The following SZT2 variants were observed in gnomAD, a reference collection of about 807,000 sequenced individuals.
The protein encoded by SZT2 is KICSTOR complex protein SZT2.
In SZT2, 216 loss-of-function variants were observed where a neutral mutation model predicts 404.2. The observed-to-expected ratio is 0.53, with a 90% CI of 0.48 to 0.60. SZT2 has a LOEUF of 0.60. SZT2 is among the 20% of genes least tolerant of loss of function. The pLI is 0.00. For missense variants in SZT2, 3,857 were observed against 4,459.2 expected (o/e 0.86, Z 3.85); for synonymous variants, 1,693 against 1,749.9 (o/e 0.97, Z 0.81).
chr1:43,436,387 C>A (rs189602137), intron 42 of SZT2: 1 of 152,182 alleles, frequency 6.6e-6, no homozygotes, highest in Non-Finnish European at 1.5e-5. Flanking sequence ...GACAGGTGAA[C>A]AATTTTACTT....
At chr1:43,419,708 G>C in intron 7 of SZT2, 26 bp from the exon 8 acceptor site, 1 of 1,578,526 alleles carries the variant, frequency 6.3e-7, no homozygotes, top group Non-Finnish European at 8.6e-7. Context: ...GTCAGAGCTA[G>C]GTCTTCAGTT....
In SZT2 at chr1:43,426,430, C is replaced by G; in HGVS notation, c.3106C>G (p.Leu1036Val). 6.3e-7 allele frequency: 1 copy of G among 1,595,442 alleles called. No homozygotes were observed. The highest frequency in any genetic ancestry group is 8.5e-7 in the Non-Finnish European group (1 of 1,178,586). ...CPANDMVLCLLHSCLGQELSD... is the reference protein window; with the variant it reads ...CPANDMVLCLVHSCLGQELSD... ...TGCCAACGACATGGTGCTGTGCCTGCTGCACAGCTGCCTGGGGCAGGAGCT... is the reference window on the plus strand; with the variant it reads ...TGCCAACGACATGGTGCTGTGCCTGGTGCACAGCTGCCTGGGGCAGGAGCT... Residue 1036 changes from leucine to valine, a missense_variant, in exon 22 of 72, where the codon CTG becomes GTG. Physicochemically the swap from Leu to Val is conservative, Grantham distance 32 (BLOSUM62 1). Transcript: ENST00000634258. The surrounding 1 kb of genome is among the most constrained non-coding windows in gnomAD (Gnocchi z 4.9).
chr1:43,427,275 C>G lies in SZT2; in HGVS notation c.3434-6C>G, dbSNP rs376599546. On this transcript the variant is annotated splice_polypyrimidine_tract_variant and splice_region_variant and intron_variant, in intron 24 of 71. Coordinates refer to ENST00000634258, the MANE Select transcript of SZT2 (RefSeq NM_001365999.1). ...GCAGCTCTGATTTATGTCTGATCCT[C>G]TTCAGATGTCCAGCGTCTGGCTGCC... The G allele has an allele frequency of 6.2e-7, 1 of 1,608,002 alleles. No individual in the cohort carries two copies. The highest frequency in any genetic ancestry group is 2.2e-5 in the East Asian group (1 of 44,824).
Position 43,433,032 on chromosome 1 carries a change from T to A in SZT2, c.5646T>A (p.Asn1882Lys), listed in dbSNP as rs939242987. The change falls in exon 40 of 72, where the codon AAT (asparagine) becomes AAA (lysine). Residue 1882 changes from asparagine to lysine, a missense_variant. This residue lies in a region of SZT2 where 1,725 missense variants were observed against 1,881.0 expected (regional missense o/e 0.92). Transcript: ENST00000634258. The part of the protein sequence containing the change: ...GSSGSDSEGP[N>K]DTLGEKAPFT... ...GTGGCTCAGACAGTGAGGGTCCCAATGACACCCTTGGTGAGAAGGCCCCCT... is the reference window on the plus strand; with the variant it reads ...GTGGCTCAGACAGTGAGGGTCCCAAAGACACCCTTGGTGAGAAGGCCCCCT... 1 of 1,614,124 alleles carries A rather than the reference T, an allele frequency of 6.2e-7. No individual in the cohort carries two copies. The highest frequency in any genetic ancestry group is 8.5e-7 in the Non-Finnish European group (1 of 1,180,016).
At chr1:43,430,133 T>C in intron 30 of SZT2, 30 bp downstream of exon 30, 6 of 1,612,742 alleles carry the variant, frequency 3.7e-6, no homozygotes, top group Non-Finnish European at 5.1e-6. Flanking sequence ...ACCTCTCTCG[T>C]GCCCTCAACC....
rs1471802391 is a variant in SZT2 at position 43,426,095 on chromosome 1, T to C, written c.2987T>C (p.Met996Thr). Residue 996 changes from methionine (M) to threonine (T), a missense_variant, in exon 21 of 72, where the codon ATG becomes ACG. By Grantham distance (81) the Met-to-Thr change is moderately conservative. Transcript: ENST00000634258. This position sits in a 1 kb window ranked among gnomAD's most constrained non-coding sequence, Gnocchi z 4.9. ...GAGATCCCTTTCCATTTTGACCTAA[T>C]GGGATTGCTGCCACAGTGCCAGCAG... ...VHEIPFHFDL[M>T]GLLPQCQQLQ... 1.9e-6 allele frequency: 3 copies of C among 1,614,050 alleles called. No homozygotes were observed. In the Admixed American group the frequency reaches 5.0e-5, roughly 27 times the overall value.
chr1:43,439,753 T>C lies in SZT2; in HGVS notation c.7026T>C (p.Val2342=), dbSNP rs781646201. The C allele has an allele frequency of 3.1e-6, 5 of 1,596,278 alleles. No individual in the cohort carries two copies. In the Admixed American group the frequency reaches 6.9e-5, roughly 22 times the overall value. Residue 2342 remains valine, a synonymous_variant, in exon 50 of 72, where the codon GTT becomes GTC. Transcript: ENST00000634258. This position sits in a 1 kb window ranked among gnomAD's most constrained non-coding sequence, Gnocchi z 4.2. The stretch of plus-strand genomic sequence containing the variant: ...CCCAGGTCATCCGCTGCCCGGTTGT[T>C]GTGGACAGTTCTTCAGGTGGGACAG... ...QLTQVIRCPV[V]VDSSSAQNGA...
chr1:43,439,474 C>T lies in SZT2; in HGVS notation c.6877+32C>T, dbSNP rs772372767. On this transcript the variant is annotated intron_variant, in intron 49 of 71. Transcript: ENST00000634258. This position sits in a 1 kb window ranked among gnomAD's most constrained non-coding sequence, Gnocchi z 4.2. ...TGCAGGGCACGGGCCTGTGGCACCA[C>T]CAGGTGAGGGAAAGCCTTTTGTCAT... 9 of 1,598,418 alleles carry T rather than the reference C, an allele frequency of 5.6e-6. No homozygotes were observed. Among genetic ancestry groups the T allele is most frequent in the East Asian group, 2.2e-5 (1 of 44,676 alleles).
rs1570650310 is a variant in SZT2, at chr1:43,426,577, C to T, written c.3214+39C>T. On this transcript the variant is annotated intron_variant, in intron 22 of 71. Coordinates refer to ENST00000634258, the MANE Select transcript of SZT2 (RefSeq NM_001365999.1). This position sits in a 1 kb window ranked among gnomAD's most constrained non-coding sequence, Gnocchi z 4.9. Reference sequence around the variant, plus strand: ...ATCCTCCTGACACCAGACCCTGGCCCAGCCCTTTTCCCCCACCCTCACAGG... The same window carrying T: ...ATCCTCCTGACACCAGACCCTGGCCTAGCCCTTTTCCCCCACCCTCACAGG... 3.9e-6 allele frequency: 6 copies of T among 1,520,398 alleles called. No individual in the cohort carries two copies. Among genetic ancestry groups the T allele is most frequent in the East Asian group, 2.4e-5 (1 of 40,888 alleles). 94.2% of individuals were successfully genotyped at this position (1,520,398 alleles called of 1,614,324 possible). A position where few individuals can be genotyped will look rare whatever the true frequency, so the allele number is the denominator to read the frequency against.
At position 43,452,286 on chromosome 1, in the gene SZT2, T is replaced by C. The variant is rs1209010634; in HGVS notation, c.*1806T>C. ...CAGCCTTGACTGCTATTCGATCAGC[T>C]CCCTGGGGTACTCGGCCAGCCATCA... is the stretch of plus-strand genomic sequence containing the variant. On this transcript the variant is annotated 3_prime_UTR_variant, in exon 72 of 72. Transcript: ENST00000634258. The C allele has an allele frequency of 1.9e-6, 3 of 1,613,922 alleles. No homozygotes were observed. The African/African-American group carries it at 4.0e-5, about 22-fold the overall frequency.
chr1:43,420,846 C>T lies in SZT2; in HGVS notation c.1359C>T (p.Gly453=). 6.3e-7 allele frequency: 1 copy of T among 1,598,416 alleles called. No individual in the cohort carries two copies. The highest frequency in any genetic ancestry group is 2.2e-5 in the East Asian group (1 of 44,884). Residue 453 remains glycine (G), a synonymous_variant, in exon 10 of 72, where the codon GGC becomes GGT. Coordinates refer to ENST00000634258, the MANE Select transcript of SZT2 (RefSeq NM_001365999.1). The surrounding 1 kb of genome is among the most constrained non-coding windows in gnomAD (Gnocchi z 5.1). ...AMAPWPLEPE[G]PRVTRVEVTM... is the part of the protein sequence containing the mutation. Reference sequence around the variant, plus strand: ...CACCCTGGCCCCTGGAGCCTGAGGGCCCTCGAGTAACACGGGTGGAAGTGA... The same window carrying T: ...CACCCTGGCCCCTGGAGCCTGAGGGTCCTCGAGTAACACGGGTGGAAGTGA...
At chr1:43,433,450 A>G (rs926840179) in intron 40 of SZT2, among the ~76,000 whole-genome samples, 1 of 152,202 alleles carries the variant, frequency 6.6e-6, no homozygotes, top group Non-Finnish European at 1.5e-5. Context: ...AACAACATCT[A>G]AGGATCAGAG....
Position 43,426,323 on chromosome 1 carries a change from G to A in SZT2, c.3044-45G>A, listed in dbSNP as rs555303810. 2.6e-6 allele frequency: 4 copies of A among 1,511,470 alleles called. No individual in the cohort carries two copies. In the South Asian group the frequency reaches 4.9e-5, roughly 19 times the overall value. 93.6% of individuals were successfully genotyped at this position (1,511,470 alleles called of 1,614,324 possible). On this transcript the variant is annotated intron_variant, in intron 21 of 71. Transcript: ENST00000634258. The surrounding 1 kb of genome is among the most constrained non-coding windows in gnomAD (Gnocchi z 4.9). ...GGTCAGGGCTGAGCCGGGGGCACCG[G>A]GCAGCAGGAGGCTCTTGGTGCTGAG...
Position 43,453,831 on chromosome 1 carries a change from C to A in SZT2, c.*3351C>A. The A allele has an allele frequency of 8.3e-7, 1 of 1,206,192 alleles. No individual in the cohort carries two copies. Among genetic ancestry groups the A allele is most frequent in the Non-Finnish European group, 1.0e-6 (1 of 972,298 alleles). 74.7% of individuals were successfully genotyped at this position (1,206,192 alleles called of 1,614,324 possible). A position where few individuals can be genotyped will look rare whatever the true frequency, so the allele number is the denominator to read the frequency against. On this transcript the variant is annotated 3_prime_UTR_variant, in exon 72 of 72. Coordinates refer to ENST00000634258, the MANE Select transcript of SZT2 (RefSeq NM_001365999.1). ...CGGGCCGGGCGGAGTCCGCGGGATC[C>A]AAAGGCGGCGGGCGGCGGGCGGCGG...
At position 43,450,891 on chromosome 1, in the gene SZT2, C is replaced by T. The variant is rs181294766; in HGVS notation, c.*411C>T. 2 of 735,926 alleles carry T rather than the reference C, an allele frequency of 2.7e-6. No homozygotes were observed. The highest frequency in any genetic ancestry group is 5.0e-6 in the Non-Finnish European group (2 of 399,788). The allele number at this position is 735,926 out of a possible 1,614,324, so 45.6% of individuals were successfully genotyped here. ...CCCTTGAGCCTTCGGGTCTTCACTT[C>T]CCACTTGGACATCACTGCTGGACAT... On this transcript the variant is annotated 3_prime_UTR_variant, in exon 72 of 72. Transcript: ENST00000634258. The surrounding 1 kb of genome is among the most constrained non-coding windows in gnomAD (Gnocchi z 4.3).
intron 1 of SZT2, among the ~76,000 whole-genome samples, chr1:43,391,672 G>A (rs1239623568): frequency 6.6e-6 from 1 of 152,160 alleles, no homozygotes; most frequent in Non-Finnish European, 1.5e-5. Flanking sequence ...GAGGTGGAGG[G>A]ATGTTGTGGG....
chr1:43,420,766 G>A lies in SZT2; in HGVS notation c.1279G>A (p.Val427Ile). The A allele has an allele frequency of 6.3e-7, 1 of 1,598,424 alleles. No homozygotes were observed. Among genetic ancestry groups the A allele is most frequent in the East Asian group, 2.2e-5 (1 of 44,872 alleles). Residue 427 changes from valine (V) to isoleucine (I), a missense_variant, in exon 10 of 72, where the codon GTA (valine) becomes ATA (isoleucine). Val to Ile is a conservative substitution (Grantham distance 29). Coordinates refer to ENST00000634258, the MANE Select transcript of SZT2 (RefSeq NM_001365999.1). This position sits in a 1 kb window ranked among gnomAD's most constrained non-coding sequence, Gnocchi z 5.1. ...TCCCTAAGGAGGGTCCCAATTGGAG[G>A]TAAAGCTGGTGCTGCTGTGGAAACA... is the stretch of plus-strand genomic sequence containing the variant. The part of the protein sequence containing the change: ...TLAKGGSQLE[V>I]KLVLLWKHNM...
intron 4 of SZT2, chr1:43,409,413 T>A (rs892651502): frequency 9.5e-6 from 3 of 314,966 alleles, no homozygotes; most frequent in Admixed American, 4.4e-5. Flanking sequence ...AAAGTGAAGG[T>A]CTACCTAGAA....
intron 1 of SZT2, among the ~76,000 whole-genome samples, chr1:43,397,423 T>TCTC (rs1157008614): frequency 6.7e-6 from 1 of 150,000 alleles, no homozygotes; most frequent in East Asian, 2.0e-4. Context: ...GAGACTCCAT[T>TCTC]TCAAAAAAAA....
Sources: allele counts gnomAD v4.1 joint callset (sites outside exome capture counted in the v4.1 genomes callset), GRCh38; gene constraint gnomAD v4.1.1; regional missense constraint gnomAD v4.1.1; non-coding constraint Gnocchi (gnomAD v3.1); transcripts MANE v1.5; gene names NCBI Gene and HGNC (gene_info 2026-07-23, HGNC 2026-07-21).